SPATA16: variants seen among roughly 807,000 people sequenced by gnomAD.
SPATA16 encodes the protein spermatogenesis-associated protein 16.
A neutral mutation model predicts 63.3 loss-of-function variants in SPATA16; 36 were observed. The ratio of observed to expected loss-of-function variants is 0.57; its 90% CI spans 0.44 to 0.75. The LOEUF (loss-of-function observed/expected upper bound fraction) is 0.75. SPATA16 is among the 30% of genes least tolerant of loss of function. The pLI is 0.00. For synonymous variants in SPATA16, 203 were observed against 216.7 expected (o/e 0.94, Z 0.56); for missense variants, 646 against 679.3 (o/e 0.95, Z 0.54).
chr3:172,913,653 A>G lies in SPATA16; in HGVS notation c.1587+8T>C. 1 of 1,612,814 alleles carries G rather than the reference A, an allele frequency of 6.2e-7. No homozygotes were observed. The highest frequency in any genetic ancestry group is 1.7e-5 in the Admixed American group (1 of 59,990). On this transcript the variant is annotated splice_region_variant and intron_variant, in intron 10 of 10. Transcript: ENST00000351008. The stretch of plus-strand genomic sequence containing the variant: ...AATAGATCTTTTTCCTTCAGCTCAA[A>G]GTTTTACCTTTTGGATCATATTCCA...
chr3:173,089,370 T>C (rs1737164571), intron 2 of SPATA16, among the ~76,000 whole-genome samples: 4 of 152,176 alleles, frequency 2.6e-5, no homozygotes, highest in African/African-American at 9.7e-5. Context: ...AGCTTCACTA[T>C]ACAAATGTTC....
At chr3:172,938,796 C>T (rs933719721) in intron 6 of SPATA16, among the ~76,000 whole-genome samples, 2 of 151,850 alleles carry the variant, frequency 1.3e-5, no homozygotes, top group Non-Finnish European at 2.9e-5. Context: ...TCTTAATATA[C>T]GTCTCTGAGT....
At chr3:173,104,838 A>G (rs1737582673) in intron 2 of SPATA16, among the ~76,000 whole-genome samples, 1 of 152,304 alleles carries the variant, frequency 6.6e-6, no homozygotes, top group East Asian at 1.9e-4. Flanking sequence ...GGACTCTTTC[A>G]ATATAATAAT....
intron 1 of SPATA16, among the ~76,000 whole-genome samples, chr3:173,126,107 C>A (rs1011607032): frequency 6.7e-5 from 10 of 150,032 alleles, no homozygotes; most frequent in African/African-American, 2.4e-4. Flanking sequence ...ATGTGCCTAC[C>A]CCGGTCTTTT....
chr3:172,993,667 G>A (rs749902398), intron 4 of SPATA16, among the ~76,000 whole-genome samples: 71 of 152,298 alleles, frequency 4.7e-4, no homozygotes, highest in Non-Finnish European at 9.3e-4. Flanking sequence ...GCATATTTGT[G>A]TATAGGTTGT....
At chr3:172,989,931 T>G (rs1350703443) in intron 4 of SPATA16, among the ~76,000 whole-genome samples, 4 of 152,192 alleles carry the variant, frequency 2.6e-5, no homozygotes, top group Non-Finnish European at 5.9e-5. Context: ...GAGTCCACAG[T>G]GAGAATGCCA....
intron 4 of SPATA16, among the ~76,000 whole-genome samples, chr3:172,980,337 C>T (rs1734271032): frequency 6.6e-6 from 1 of 152,180 alleles, no homozygotes; most frequent in African/African-American, 2.4e-5. Context: ...TCTTTCTATT[C>T]TCCTTCAGGT....
chr3:172,915,506 C>A (rs1390533772), intron 9 of SPATA16, among the ~76,000 whole-genome samples: 2 of 152,018 alleles, frequency 1.3e-5, no homozygotes, highest in African/African-American at 4.8e-5. Flanking sequence ...TAGCTGCTCT[C>A]AATTAAAGCT....
At chr3:173,138,877 T>A (rs1245987970) in intron 1 of SPATA16, among the ~76,000 whole-genome samples, 1 of 152,236 alleles carries the variant, frequency 6.6e-6, no homozygotes, top group Admixed American at 6.5e-5. Context: ...CATTTCAGAA[T>A]AGATGTACAT....
At chr3:173,034,860 T>C (rs930458838) in intron 3 of SPATA16, among the ~76,000 whole-genome samples, 1 of 152,154 alleles carries the variant, frequency 6.6e-6, no homozygotes, top group Non-Finnish European at 1.5e-5. Context: ...ATCTACTAAT[T>C]AGTAATATTA....
chr3:173,015,756 A>G (rs972956476), intron 4 of SPATA16, among the ~76,000 whole-genome samples: 1 of 152,212 alleles, frequency 6.6e-6, no homozygotes, highest in Non-Finnish European at 1.5e-5. Flanking sequence ...ACACCATGAT[A>G]CCTGTATTGT....
intron 4 of SPATA16, among the ~76,000 whole-genome samples, chr3:173,002,609 G>T (rs1229641176): frequency 6.6e-6 from 1 of 152,158 alleles, no homozygotes; most frequent in Non-Finnish European, 1.5e-5. Context: ...AAAAGGCAAA[G>T]AATAGACATG....
At chr3:173,140,754 T>C (rs1463471475) in intron 1 of SPATA16, among the ~76,000 whole-genome samples, 2 of 152,170 alleles carry the variant, frequency 1.3e-5, no homozygotes, top group Admixed American at 1.3e-4. Context: ...AGGGAATATA[T>C]ATTAGAATAA....
intron 5 of SPATA16, among the ~76,000 whole-genome samples, chr3:172,970,990 CATT>C (rs1296539548): frequency 6.6e-6 from 1 of 152,098 alleles, no homozygotes; most frequent in Non-Finnish European, 1.5e-5. Context: ...AAAAAGTCAT[CATT>C]ATTAGTATAA....
At chr3:173,139,740 C>A (rs1738656715) in intron 1 of SPATA16, among the ~76,000 whole-genome samples, 1 of 152,214 alleles carries the variant, frequency 6.6e-6, no homozygotes, top group Non-Finnish European at 1.5e-5. Context: ...AATCCCAGCA[C>A]TTTAGGATAC....
At chr3:172,940,808 C>A (rs968933701) in intron 6 of SPATA16, among the ~76,000 whole-genome samples, 4 of 151,966 alleles carry the variant, frequency 2.6e-5, no homozygotes, top group African/African-American at 4.8e-5. Flanking sequence ...CATGGAGAAA[C>A]CTTGTCTCTA....
At chr3:173,005,147 C>G (rs1034621717) in intron 4 of SPATA16, among the ~76,000 whole-genome samples, 5 of 151,896 alleles carry the variant, frequency 3.3e-5, no homozygotes, top group South Asian at 2.1e-4. Flanking sequence ...ATGGTGAAAC[C>G]CTGTCTCTAC....
At chr3:172,922,021 C>T (rs932830742) in intron 8 of SPATA16, among the ~76,000 whole-genome samples, 2 of 152,190 alleles carry the variant, frequency 1.3e-5, no homozygotes, top group African/African-American at 2.4e-5. Flanking sequence ...GTCTTAAAAA[C>T]ACTACAGAGG....
chr3:172,953,197 A>G (rs1425398681), intron 6 of SPATA16, among the ~76,000 whole-genome samples: 1 of 152,184 alleles, frequency 6.6e-6, no homozygotes, highest in East Asian at 1.9e-4. Context: ...GAGCAGTTGT[A>G]TTCTCAGTAC....
Sources: gnomAD v4.1 joint callset for allele counts (sites outside exome capture counted in the v4.1 genomes callset) on GRCh38, gnomAD v4.1.1 for gene constraint, MANE v1.5 for transcripts, NCBI Gene and HGNC (gene_info 2026-07-23, HGNC 2026-07-21) for gene names.